The following SLA variants were observed in gnomAD, a reference collection of about 807,000 sequenced individuals.
SLA encodes src-like-adapter.
Under a neutral mutation model 30.3 loss-of-function variants are expected in SLA, and 16 were observed. The ratio of observed to expected loss-of-function variants is 0.53; its 90% CI spans 0.36 to 0.80. SLA has a LOEUF of 0.80. Among genes scored for constraint, SLA ranks in the 30% least tolerant of loss-of-function variants. SLA has a pLI of 0.01. For synonymous variants in SLA, 143 were observed against 137.8 expected (o/e 1.04, Z -0.26); for missense variants, 310 against 345.2 (o/e 0.90, Z 0.81).
At chr8:133,094,263 T>TTGCC (rs1848066170) in intron 1 of SLA, among the ~76,000 whole-genome samples, 1 of 144,046 alleles carries the variant, frequency 6.9e-6, no homozygotes, top group Non-Finnish European at 1.5e-5. Context: ...TTTTTTTTGA[T>TTGCC]GGAGTCTTGC....
At chr8:133,087,384 A>G (rs535565936) in intron 1 of SLA, among the ~76,000 whole-genome samples, 54 of 152,196 alleles carry the variant, frequency 3.5e-4, no homozygotes, top group Non-Finnish European at 6.6e-4. Flanking sequence ...TGAAGACAGC[A>G]AGGCTTATTG....
At chr8:133,067,897 AGGAAGGAAGGAAGGAAGGAAAG>A (rs879677295) in intron 2 of SLA, among the ~76,000 whole-genome samples, 34,483 of 115,870 alleles carry the variant, frequency 0.3, 4,338 homozygotes, top group Non-Finnish European at 0.35. Context: ...TATGTATGGA[AGGAAGGAAGGAAGGAAGGAAAG>A]AGAGAGAGAG....
chr8:133,057,550 G>C (rs892284622), intron 3 of SLA, among the ~76,000 whole-genome samples: 6 of 152,158 alleles, frequency 3.9e-5, no homozygotes, highest in African/African-American at 1.4e-4. Context: ...TGCTGTCGCT[G>C]TGAGGAGGGA....
At chr8:133,058,002 C>G (rs913975690) in intron 3 of SLA, among the ~76,000 whole-genome samples, 2 of 152,110 alleles carry the variant, frequency 1.3e-5, no homozygotes, top group Admixed American at 1.3e-4. Context: ...GCACATTGGC[C>G]TAAAGCAACC....
At chr8:133,092,235 C>T (rs1185110948) in intron 1 of SLA, among the ~76,000 whole-genome samples, 2 of 152,130 alleles carry the variant, frequency 1.3e-5, no homozygotes, top group South Asian at 2.1e-4. Flanking sequence ...CTTGGCCAGG[C>T]GCAGGCCCTG....
chr8:133,043,724 G>A (rs1403926379), intron 7 of SLA, among the ~76,000 whole-genome samples: 1 of 152,164 alleles, frequency 6.6e-6, no homozygotes, highest in Non-Finnish European at 1.5e-5. Context: ...TGGGCCAGCT[G>A]TGATAACCAA....
Position 133,037,427 on chromosome 8 carries a change from C to A in SLA, c.*1097G>T, listed in dbSNP as rs1837295426. On this transcript the variant is annotated 3_prime_UTR_variant, in exon 9 of 9. Transcript: ENST00000338087. ...TTAATTCTTTAGACTGTATCCATTTCTTTTCTAAAAAATCCAGCTATTCTT... is the reference window on the plus strand; with the variant it reads ...TTAATTCTTTAGACTGTATCCATTTATTTTCTAAAAAATCCAGCTATTCTT... The A allele has an allele frequency of 6.6e-6, 1 of 152,138 alleles. No homozygotes were observed. Among genetic ancestry groups the A allele is most frequent in the South Asian group, 2.1e-4 (1 of 4,828 alleles). 9.4% of individuals were successfully genotyped at this position (152,138 alleles called of 1,614,324 possible).
intron 2 of SLA, among the ~76,000 whole-genome samples, chr8:133,066,094 C>T (rs1842993895): frequency 6.6e-6 from 1 of 152,018 alleles, no homozygotes; most frequent in Admixed American, 6.6e-5. Context: ...GAGGCTGAGG[C>T]GGGCAGATCA....
chr8:133,070,269 C>T (rs1424971542), intron 2 of SLA, among the ~76,000 whole-genome samples: 1 of 152,106 alleles, frequency 6.6e-6, no homozygotes, highest in Non-Finnish European at 1.5e-5. Flanking sequence ...GTCTCATAAG[C>T]CAGCACAGGC....
intron 1 of SLA, among the ~76,000 whole-genome samples, chr8:133,077,731 G>GTGTC (rs1845111186): frequency 1.2e-5 from 1 of 85,696 alleles, no homozygotes; most frequent in Non-Finnish European, 2.3e-5. Flanking sequence ...ATTCTCTGGT[G>GTGTC]TGTATGTGTG....
chr8:133,059,044 T>G (rs1270849289), intron 3 of SLA: 1 of 456,864 alleles, frequency 2.2e-6, no homozygotes, highest in Non-Finnish European at 4.4e-6. Context: ...GCCACAGAAG[T>G]CATGAAATGT....
At chr8:133,075,398 G>C (rs1844709966) in intron 1 of SLA, among the ~76,000 whole-genome samples, 1 of 152,136 alleles carries the variant, frequency 6.6e-6, no homozygotes, top group Non-Finnish European at 1.5e-5. Flanking sequence ...GCAATGCTTT[G>C]AGATTAAAGG....
At chr8:133,049,761 T>C in intron 5 of SLA, 141 bp downstream of exon 5, 1 of 668,094 alleles carries the variant, frequency 1.5e-6, no homozygotes, top group South Asian at 1.7e-5. Flanking sequence ...CCTTTCCTTA[T>C]TGACTGGGTT....
intron 1 of SLA, among the ~76,000 whole-genome samples, chr8:133,085,924 G>C (rs1330737407): frequency 6.6e-6 from 1 of 152,160 alleles, no homozygotes; most frequent in African/African-American, 2.4e-5. Flanking sequence ...GTATGTGACT[G>C]TTCACAACAG....
chr8:133,095,308 A>G, intron 1 of SLA: 1 of 1,535,422 alleles, frequency 6.5e-7, no homozygotes, highest in African/African-American at 1.4e-5. Context: ...CAGCCATACC[A>G]CACATGAGGC....
intron 3 of SLA, among the ~76,000 whole-genome samples, chr8:133,052,003 A>G (rs530943100): frequency 1.3e-5 from 2 of 152,314 alleles, no homozygotes; most frequent in Admixed American, 1.3e-4. Context: ...TACAGGATAC[A>G]TAAATAGTCA....
At chr8:133,058,237 G>A (rs2739138) in intron 3 of SLA, among the ~76,000 whole-genome samples, 30,112 of 151,986 alleles carry the variant, frequency 0.2, 3,150 homozygotes, top group Non-Finnish European at 0.22. Context: ...TCGGGGGAAC[G>A]TTTCAGGGCT....
chr8:133,094,173 G>T (rs1848039601), intron 1 of SLA, among the ~76,000 whole-genome samples: 3 of 151,968 alleles, frequency 2.0e-5, no homozygotes, highest in African/African-American at 4.8e-5. Flanking sequence ...AAAAGTCCGG[G>T]CAGAGATGAA....
chr8:133,070,040 A>AAAAG (rs1419661982), intron 2 of SLA, among the ~76,000 whole-genome samples: 2 of 150,286 alleles, frequency 1.3e-5, no homozygotes, highest in African/African-American at 4.9e-5. Flanking sequence ...AGAAAGAAAG[A>AAAAG]AAAGAAAAGA....
Sources: allele counts gnomAD v4.1 joint callset (sites outside exome capture counted in the v4.1 genomes callset), GRCh38; gene constraint gnomAD v4.1.1; transcripts MANE v1.5; gene names NCBI Gene and HGNC (gene_info 2026-07-23, HGNC 2026-07-21).